Variants in MYO3A observed in about 807,000 individuals in gnomAD.
MYO3A encodes myosin-IIIa.
In MYO3A, 180 loss-of-function variants were observed where a neutral mutation model predicts 192.7. The ratio of observed to expected loss-of-function variants is 0.93; its 90% CI spans 0.83 to 1.06. The LOEUF is 1.06. Among genes scored for constraint, MYO3A ranks in the 50% least tolerant of loss-of-function variants. The pLI, the probability that MYO3A is intolerant of heterozygous loss-of-function variation, is 0.00. For missense variants in MYO3A, 1,896 were observed against 1,905.0 expected (o/e 1.00, Z 0.09); for synonymous variants, 628 against 645.3 (o/e 0.97, Z 0.41).
At chr10:26,015,922 G>A (rs1020959041) in intron 6 of MYO3A, among the ~76,000 whole-genome samples, 1 of 152,042 alleles carries the variant, frequency 6.6e-6, no homozygotes, top group African/African-American at 2.4e-5. Context: ...TTTAAGATAA[G>A]CAACCAAAGC....
In MYO3A at chr10:26,168,883, T is replaced by G; in HGVS notation, c.3274+9T>G. 6.2e-7 allele frequency: 1 copy of G among 1,602,382 alleles called. No individual in the cohort carries two copies. Among genetic ancestry groups the G allele is most frequent in the Non-Finnish European group, 8.5e-7 (1 of 1,172,642 alleles). On this transcript the variant is annotated intron_variant, in intron 28 of 34. Transcript: ENST00000642920. The stretch of plus-strand genomic sequence containing the variant: ...TATAATAATACAGTCAGGTAATCTC[T>G]TTGACATATTTAGATATGGTCATAA...
chr10:26,078,130 C>CTTTTTTTTTTTTTT (rs57336459), intron 14 of MYO3A, among the ~76,000 whole-genome samples: 1,479 of 121,286 alleles, frequency 0.012, 19 homozygotes, highest in Non-Finnish European at 0.018. Flanking sequence ...TGGTCCTGGA[C>CTTTTTTTTTTTTTT]TTTTTTTTTT....
chr10:25,959,008 G>A (rs112979700), intron 4 of MYO3A, among the ~76,000 whole-genome samples: 6,577 of 152,032 alleles, frequency 0.043, 183 homozygotes, highest in Middle Eastern at 0.068. Flanking sequence ...ATTTTTGTAC[G>A]TAGATTTTGT....
intron 34 of MYO3A, 131 bp from the exon 35 acceptor site, chr10:26,211,712 G>C (rs146601551): frequency 3.5e-6 from 5 of 1,410,438 alleles, no homozygotes; most frequent in East Asian, 2.4e-5. Context: ...CAGTCGTTTC[G>C]ATTGTGCCTT....
At chr10:26,120,100 G>A (rs540296012) in intron 17 of MYO3A, among the ~76,000 whole-genome samples, 59 of 152,156 alleles carry the variant, frequency 3.9e-4, no homozygotes, top group African/African-American at 1.3e-3. Context: ...GGAGGCAGAG[G>A]CGGTAGTGAG....
chr10:25,971,308 AG>A (rs1223538960), intron 4 of MYO3A, among the ~76,000 whole-genome samples: 5 of 152,316 alleles, frequency 3.3e-5, no homozygotes, highest in African/African-American at 1.2e-4. Context: ...TATATATTGT[AG>A]GCCCAACAAT....
chr10:26,137,229 A>G (rs1839906264), intron 20 of MYO3A, among the ~76,000 whole-genome samples: 1 of 152,200 alleles, frequency 6.6e-6, no homozygotes, highest in Non-Finnish European at 1.5e-5. Flanking sequence ...AAATTATTCC[A>G]GACATGGGTA....
intron 30 of MYO3A, 77 bp from the exon 31 acceptor site, chr10:26,176,624 T>A: frequency 7.2e-7 from 1 of 1,380,736 alleles, no homozygotes; most frequent in South Asian, 1.2e-5. Context: ...TGGTAAGGCG[T>A]TTCCCAGCCC....
chr10:26,021,569 A>G lies in MYO3A; in HGVS notation c.652A>G (p.Ile218Val). The part of the protein sequence containing the change: ...DARCDTWSLG[I>V]TAIELGDGDP... ...CAGATGTGACACTTGGTCCCTGGGT[A>G]TCACGGCCATTGAGCTGGGTGATGG... The change falls in exon 8 of 35, where the codon ATC becomes GTC. Residue 218 changes from isoleucine to valine, a missense_variant. Coordinates refer to ENST00000642920, the MANE Select transcript of MYO3A (RefSeq NM_017433.5). 2 of 1,614,106 alleles carry G rather than the reference A, an allele frequency of 1.2e-6. No homozygotes were observed. The highest frequency in any genetic ancestry group is 1.3e-5 in the African/African-American group (1 of 75,050).
At chr10:25,994,257 C>G (rs533091015) in intron 4 of MYO3A, among the ~76,000 whole-genome samples, 1 of 152,284 alleles carries the variant, frequency 6.6e-6, no homozygotes, top group African/African-American at 2.4e-5. Context: ...GATCCCTTTA[C>G]CATTATGTAA....
Position 26,123,659 on chromosome 10 carries a change from G to T in MYO3A, c.1904-1739G>T, listed in dbSNP as rs141521389. On this transcript the variant is annotated intron_variant, in intron 18 of 34. Coordinates refer to ENST00000642920, the MANE Select transcript of MYO3A (RefSeq NM_017433.5). ...AAAAAACTTTCAGCCAGGCCCAGTG[G>T]CTCACGCCTGTAATCCCAGCACTTT... 2.8e-4 allele frequency among the ~76,000 whole-genome samples: 43 copies of T among 152,278 alleles called. No homozygotes were observed. In the East Asian group the frequency reaches 7.7e-3, roughly 27 times the overall value.
At position 26,177,086 on chromosome 10, in the gene MYO3A, CT is replaced by C. The variant is rs144249914; in HGVS notation, c.4438+243del. Among the ~76,000 whole-genome samples, 619 of 151,642 alleles carry C rather than the reference CT, an allele frequency of 4.1e-3. 7 individuals are homozygous for C. The highest frequency in any genetic ancestry group is 0.014 in the African/African-American group (566 of 41,286). ...TTTCCTTTTTTCATTTTAACTAGAA[CT>C]TGGCATATGACGCCACAAGGGAATA... On this transcript the variant is annotated intron_variant, in intron 31 of 34. Coordinates refer to ENST00000642920, the MANE Select transcript of MYO3A (RefSeq NM_017433.5).
intron 10 of MYO3A, among the ~76,000 whole-genome samples, chr10:26,039,207 A>ATGT (rs1843199603): frequency 9.4e-6 from 1 of 106,856 alleles, no homozygotes; most frequent in African/African-American, 3.9e-5. Context: ...GGCTCGGCTA[A>ATGT]TTTTTTTTTT....
intron 17 of MYO3A, among the ~76,000 whole-genome samples, chr10:26,119,963 C>G (rs1838751208): frequency 6.7e-6 from 1 of 149,508 alleles, no homozygotes; most frequent in Non-Finnish European, 1.5e-5. Context: ...CGAGACCAGC[C>G]TGGGCAACAT....
At chr10:26,003,431 A>G (rs941339227) in intron 6 of MYO3A, among the ~76,000 whole-genome samples, 8 of 152,232 alleles carry the variant, frequency 5.3e-5, no homozygotes, top group Admixed American at 3.3e-4. Flanking sequence ...TAATTACACT[A>G]AAAGTAAGAT....
At chr10:25,944,050 T>G (rs1484966529) in intron 2 of MYO3A, among the ~76,000 whole-genome samples, 1 of 151,948 alleles carries the variant, frequency 6.6e-6, no homozygotes, top group Non-Finnish European at 1.5e-5. Context: ...TTATAAATGG[T>G]TATTATGTCA....
intron 10 of MYO3A, among the ~76,000 whole-genome samples, chr10:26,027,499 C>G (rs1042093676): frequency 6.6e-6 from 1 of 151,950 alleles, no homozygotes; most frequent in African/African-American, 2.4e-5. Context: ...CATGTACCAC[C>G]GTGCCTGGCT....
intron 5 of MYO3A, 69 bp from the exon 6 acceptor site, chr10:25,997,090 T>C: frequency 8.5e-7 from 1 of 1,179,722 alleles, no homozygotes; most frequent in Non-Finnish European, 1.3e-6. Context: ...TTTGTACAGG[T>C]ACATCATCTG....
At chr10:26,102,837 A>G (rs1330500901) in intron 17 of MYO3A, among the ~76,000 whole-genome samples, 1 of 152,104 alleles carries the variant, frequency 6.6e-6, no homozygotes, top group African/African-American at 2.4e-5. Flanking sequence ...TGGTTAGGCT[A>G]CTCAGGGGTC....
Sources: gnomAD v4.1 joint callset for allele counts (sites outside exome capture counted in the v4.1 genomes callset) on GRCh38, gnomAD v4.1.1 for gene constraint, MANE v1.5 for transcripts, NCBI Gene and HGNC (gene_info 2026-07-23, HGNC 2026-07-21) for gene names.